Variants in PLAC9 observed in about 807,000 individuals in gnomAD.
PLAC9 encodes the protein placenta-specific protein 9.
A neutral mutation model predicts 11.5 loss-of-function variants in PLAC9; 12 were observed. That is an observed-to-expected ratio of 1.05 (90% CI 0.67 to 1.69). PLAC9 has a LOEUF of 1.69. PLAC9 is among the 40% of genes most tolerant of loss of function. The pLI is 0.00. For missense variants in PLAC9, 132 were observed against 130.5 expected (o/e 1.01, Z -0.06); for synonymous variants, 62 against 58.1 (o/e 1.07, Z -0.31).
intron 1 of PLAC9, among the ~76,000 whole-genome samples, chr10:80,137,731 G>A (rs546360443): frequency 1.3e-5 from 2 of 152,092 alleles, no homozygotes; most frequent in South Asian, 2.1e-4. Flanking sequence ...CCTGGGCAAC[G>A]TAGTGAAATC....
rs112195301 is a variant in PLAC9 at position 80,144,336 on chromosome 10, T to C, written c.276T>C (p.Leu92=). The C allele has an allele frequency of 6.8e-3, 10,945 of 1,603,010 alleles. 604 individuals are homozygous for C. The African/African-American group carries it at 0.13, about 19-fold the overall frequency. Residue 92 remains leucine, a synonymous_variant, in exon 3 of 4, where the codon CTT becomes CTC. Transcript: ENST00000372263. ...GACCCTTCAGCCCCGCTCCCGACCT[T>C]CTCGGAGGTGAGCAGTGCAGGTGGC... The part of the protein sequence containing the change: ...PPGPFSPAPD[L]LGDGF
At chr10:80,140,115 C>G (rs1466769204) in intron 1 of PLAC9, among the ~76,000 whole-genome samples, 1 of 152,148 alleles carries the variant, frequency 6.6e-6, no homozygotes, top group Non-Finnish European at 1.5e-5. Flanking sequence ...GTCCCACCCC[C>G]TCTGGATCCA....
chr10:80,133,940 T>C (rs1310926973), intron 1 of PLAC9, among the ~76,000 whole-genome samples: 1 of 83,496 alleles, frequency 1.2e-5, no homozygotes, highest in East Asian at 2.6e-4. Context: ...CAAGACTCAG[T>C]TTCAAAAAAA....
intron 1 of PLAC9, among the ~76,000 whole-genome samples, chr10:80,134,540 A>C (rs1036789325): frequency 5.9e-5 from 9 of 152,172 alleles, no homozygotes; most frequent in African/African-American, 2.2e-4. Context: ...CTGGGATTAC[A>C]GGTGTGAGCC....
intron 3 of PLAC9, 140 bp from the exon 4 acceptor site, chr10:80,144,760 G>A: frequency 1.1e-6 from 1 of 871,688 alleles, no homozygotes. Context: ...GTTGCACTCT[G>A]CTCTCTCCTT....
intron 1 of PLAC9, among the ~76,000 whole-genome samples, chr10:80,140,560 C>T (rs1224329932): frequency 6.6e-6 from 1 of 152,188 alleles, no homozygotes; most frequent in Non-Finnish European, 1.5e-5. Context: ...TGAGTGTCAG[C>T]GTTCTCCAAG....
At chr10:80,136,344 G>A (rs1190814913) in intron 1 of PLAC9, among the ~76,000 whole-genome samples, 1 of 152,172 alleles carries the variant, frequency 6.6e-6, no homozygotes, top group Admixed American at 6.5e-5. Flanking sequence ...AGGAAGGAAG[G>A]GAGCCCTGAG....
rs566023932 is a variant in PLAC9, at chr10:80,144,813, G to A, written c.284-87G>A. ...CGCAGTAGTTCCTGGGGGCCGGGGAGGGAAGGGAAGGAACTGCTGGGCACC... is the reference window on the plus strand; with the variant it reads ...CGCAGTAGTTCCTGGGGGCCGGGGAAGGAAGGGAAGGAACTGCTGGGCACC... On this transcript the variant is annotated intron_variant, in intron 3 of 3. Transcript: ENST00000372263. The A allele has an allele frequency of 9.6e-6, 13 of 1,357,744 alleles. No homozygotes were observed. In the East Asian group the frequency reaches 2.3e-4, roughly 24 times the overall value. 84.1% of individuals were successfully genotyped at this position (1,357,744 alleles called of 1,614,324 possible).
chr10:80,133,214 A>G (rs1363690206), intron 1 of PLAC9, among the ~76,000 whole-genome samples: 2 of 152,168 alleles, frequency 1.3e-5, no homozygotes, highest in Non-Finnish European at 2.9e-5. Context: ...GATATTGAAG[A>G]AAAGAGAAAG....
chr10:80,142,972 C>G (rs969659971), intron 2 of PLAC9, among the ~76,000 whole-genome samples: 16 of 152,300 alleles, frequency 1.1e-4, no homozygotes, highest in Admixed American at 7.8e-4. Context: ...ATCTGCCCAC[C>G]TCGGCCTCCC....
At chr10:80,132,265 A>G (rs1358842993), upstream of PLAC9, among the ~76,000 whole-genome samples, 1 of 152,172 alleles carries the variant, frequency 6.6e-6, no homozygotes, top group Non-Finnish European at 1.5e-5. Context: ...AATTAGAATT[A>G]ATTTCTTGTT....
intron 1 of PLAC9, among the ~76,000 whole-genome samples, chr10:80,134,178 C>G (rs1844947279): frequency 8.1e-6 from 1 of 123,216 alleles, no homozygotes; most frequent in South Asian, 3.3e-4. Context: ...GCAGTTTTAT[C>G]TCATCTATAG....
intron 2 of PLAC9, 101 bp downstream of exon 2, chr10:80,142,280 G>C: frequency 2.0e-6 from 2 of 990,850 alleles, no homozygotes; most frequent in South Asian, 3.2e-5. Flanking sequence ...GAGGACATCC[G>C]GGCCGATCCT....
upstream of PLAC9, among the ~76,000 whole-genome samples, chr10:80,132,157 C>CT (rs765753332): frequency 0.067 from 10,180 of 151,924 alleles, 794 homozygotes; most frequent in African/African-American, 0.19. Flanking sequence ...ACGATTTTAC[C>CT]TTTTCTTTTT....
chr10:80,134,845 A>T (rs200322806), intron 1 of PLAC9, among the ~76,000 whole-genome samples: 4 of 37,930 alleles, frequency 1.1e-4, no homozygotes, highest in African/African-American at 1.8e-4. Flanking sequence ...TTTTTACTTA[A>T]TTTTTTGTTT....
In PLAC9 at chr10:80,132,816, C is replaced by T; in HGVS notation, c.54C>T (p.Gly18=). ...LTGLALLRAA[G]SLAAAEPFSP... ...GACTGGCCCTGCTCCGCGCCGCGGG[C>T]TCTTTGGCCGGTGAGTGGGGCGCAG... The change falls in exon 1 of 4, where the codon GGC becomes GGT. Residue 18 remains glycine (G), a synonymous_variant. Coordinates refer to ENST00000372263, the MANE Select transcript of PLAC9 (RefSeq NM_001012973.3). 4.7e-6 allele frequency: 7 copies of T among 1,496,920 alleles called. No individual in the cohort carries two copies. The South Asian group carries it at 7.5e-5, about 16-fold the overall frequency. The allele number at this position is 1,496,920 out of a possible 1,614,324, so 92.7% of individuals were successfully genotyped here. A position where few individuals can be genotyped will look rare whatever the true frequency, so the allele number is the denominator to read the frequency against.
At position 80,132,804 on chromosome 10, in the gene PLAC9, C is replaced by G. The variant is rs1333693078; in HGVS notation, c.42C>G (p.Leu14=). 6.7e-7 allele frequency: 1 copy of G among 1,498,620 alleles called. No individual in the cohort carries two copies. Among genetic ancestry groups the G allele is most frequent in the Admixed American group, 2.2e-5 (1 of 46,486 alleles). 92.8% of individuals were successfully genotyped at this position (1,498,620 alleles called of 1,614,324 possible). ...LLCALTGLAL[L]RAAGSLAAAE... is the part of the protein sequence containing the mutation. ...GCGCGCTGACCGGACTGGCCCTGCTCCGCGCCGCGGGCTCTTTGGCCGGTG... is the reference window on the plus strand; with the variant it reads ...GCGCGCTGACCGGACTGGCCCTGCTGCGCGCCGCGGGCTCTTTGGCCGGTG... Residue 14 remains leucine, a synonymous_variant, in exon 1 of 4, where the codon CTC becomes CTG. Transcript: ENST00000372263.
rs538104737 is a variant in PLAC9, at chr10:80,135,767, C to T, written c.64+2941C>T. On this transcript the variant is annotated intron_variant, in intron 1 of 3. Transcript: ENST00000372263. ...AAATCACTTGAAGAATAGTTTTCTG[C>T]TGCTTTCAAAAATGATCAAAACCCG... Among the ~76,000 whole-genome samples the T allele has an allele frequency of 3.3e-5, 5 of 152,268 alleles. No individual in the cohort carries two copies. In the South Asian group the frequency reaches 8.3e-4, roughly 25 times the overall value.
Position 80,142,103 on chromosome 10 carries a change from C to T in PLAC9, c.86C>T (p.Pro29Leu), listed in dbSNP as rs150048074. ...SLAAAEPFSP[P>L]RGDSAQSTAC... ...ACAGCTGCCGAACCCTTCAGCCCTC[C>T]GCGAGGAGACTCAGCTCAGAGCACA... is the stretch of plus-strand genomic sequence containing the variant. The change falls in exon 2 of 4, where the codon CCG (proline) becomes CTG (leucine). Residue 29 changes from proline (P) to leucine (L), a missense_variant. By Grantham distance (98) the Pro-to-Leu change is moderately conservative (BLOSUM62 -3). Coordinates refer to ENST00000372263, the MANE Select transcript of PLAC9 (RefSeq NM_001012973.3). 3.1e-5 allele frequency: 50 copies of T among 1,610,486 alleles called. No homozygotes were observed. Among genetic ancestry groups the T allele is most frequent in the African/African-American group, 1.2e-4 (9 of 74,852 alleles).
Sources: gnomAD v4.1 joint callset for allele counts (sites outside exome capture counted in the v4.1 genomes callset) on GRCh38, gnomAD v4.1.1 for gene constraint, MANE v1.5 for transcripts, NCBI Gene and HGNC (gene_info 2026-07-23, HGNC 2026-07-21) for gene names.